ERBB4: variants seen among roughly 807,000 people sequenced by gnomAD.
ERBB4 encodes receptor tyrosine-protein kinase erbB-4.
Under a neutral mutation model 158.0 loss-of-function variants are expected in ERBB4, and 42 were observed. The observed-to-expected ratio is 0.27, with a 90% CI of 0.21 to 0.34. The LOEUF (loss-of-function observed/expected upper bound fraction) is 0.34, where lower values mean the gene tolerates loss of function less well. ERBB4 is among the 10% of genes least tolerant of loss of function. The probability of loss-of-function intolerance (pLI) is 1.00; values close to 1 mark genes in which losing one functional copy is unlikely to be tolerated. For synonymous variants in ERBB4, 583 were observed against 558.7 expected, an observed-to-expected ratio of 1.04 and a Z score of -0.61; for missense variants, 1,333 against 1,624.1, an observed-to-expected ratio of 0.82 and a Z score of 3.08.
chr2:212,412,282 G>C (rs1005541116), intron 1 of ERBB4, among the ~76,000 whole-genome samples: 1 of 152,178 alleles, frequency 6.6e-6, no homozygotes, highest in Non-Finnish European at 1.5e-5. Context: ...CAAATCTCAT[G>C]TTGAAAGGTA....
chr2:211,522,676 C>T (rs1423593696), intron 20 of ERBB4, among the ~76,000 whole-genome samples: 7 of 152,108 alleles, frequency 4.6e-5, no homozygotes, highest in Non-Finnish European at 7.4e-5. Context: ...TAAATAATGG[C>T]AAACTTCACT....
chr2:211,949,381 C>T (rs1421628515), intron 2 of ERBB4, among the ~76,000 whole-genome samples: 1 of 152,180 alleles, frequency 6.6e-6, no homozygotes, highest in African/African-American at 2.4e-5. Context: ...GCAATAACCA[C>T]TAGTCATATG....
intron 2 of ERBB4, among the ~76,000 whole-genome samples, chr2:212,046,734 T>C (rs1324491958): frequency 6.6e-6 from 1 of 152,158 alleles, no homozygotes; most frequent in Non-Finnish European, 1.5e-5. Context: ...ATCTATCAGA[T>C]GTAATGGAAA....
intron 1 of ERBB4, among the ~76,000 whole-genome samples, chr2:212,281,354 T>G (rs1176118777): frequency 6.6e-6 from 1 of 151,618 alleles, no homozygotes; most frequent in African/African-American, 2.4e-5. Context: ...GTGCAATAGG[T>G]AAAAAGTTTT....
chr2:212,242,466 T>C (rs73988571), intron 1 of ERBB4, among the ~76,000 whole-genome samples: 3,385 of 152,218 alleles, frequency 0.022, 117 homozygotes, highest in African/African-American at 0.077. Flanking sequence ...CAATCTCTCA[T>C]CTCAAGAAAA....
At chr2:211,899,590 T>G (rs1185201964) in intron 3 of ERBB4, among the ~76,000 whole-genome samples, 2 of 152,154 alleles carry the variant, frequency 1.3e-5, no homozygotes, top group African/African-American at 4.8e-5. Flanking sequence ...TACTGTTTTA[T>G]AGTACTTACA....
intron 3 of ERBB4, among the ~76,000 whole-genome samples, chr2:211,921,164 A>G (rs1340773569): frequency 6.6e-6 from 1 of 152,058 alleles, no homozygotes; most frequent in Non-Finnish European, 1.5e-5. Flanking sequence ...CAAATTACTA[A>G]GATTGGTTCC....
At chr2:212,282,688 C>A (rs1271560004) in intron 1 of ERBB4, among the ~76,000 whole-genome samples, 1 of 151,850 alleles carries the variant, frequency 6.6e-6, no homozygotes, top group Non-Finnish European at 1.5e-5. Context: ...AATCTTCTGG[C>A]TTTGCCCCAA....
At chr2:212,503,323 GTTAAAAC>G (rs564354941) in intron 1 of ERBB4, among the ~76,000 whole-genome samples, 238 of 152,152 alleles carry the variant, frequency 1.6e-3, no homozygotes, top group African/African-American at 5.3e-3. Flanking sequence ...AAATCTCTCA[GTTAAAAC>G]TTAAAATATA....
At chr2:211,704,427 A>G (rs1452295346) in intron 10 of ERBB4, among the ~76,000 whole-genome samples, 1 of 152,212 alleles carries the variant, frequency 6.6e-6, no homozygotes, top group East Asian at 1.9e-4. Flanking sequence ...ATTTATTCTT[A>G]TAAATGCAAA....
At chr2:212,071,268 T>A (rs1404186208) in intron 2 of ERBB4, among the ~76,000 whole-genome samples, 1 of 151,524 alleles carries the variant, frequency 6.6e-6, no homozygotes, top group African/African-American at 2.4e-5. Flanking sequence ...AAGTTAAAGC[T>A]GACTGTTTTA....
chr2:212,288,231 C>T (rs1436131793), intron 1 of ERBB4, among the ~76,000 whole-genome samples: 1 of 152,090 alleles, frequency 6.6e-6, no homozygotes, highest in Non-Finnish European at 1.5e-5. Flanking sequence ...AATCCCTTTG[C>T]TTGTGCTAGT....
intron 1 of ERBB4, among the ~76,000 whole-genome samples, chr2:212,218,458 T>C (rs534383199): frequency 1.7e-4 from 26 of 151,362 alleles, no homozygotes; most frequent in Middle Eastern, 6.8e-3. Flanking sequence ...TGCTTACTAT[T>C]AAGGAAGCCT....
intron 7 of ERBB4, 90 bp from the exon 8 acceptor site, chr2:211,713,738 GA>G: frequency 1.3e-6 from 1 of 765,108 alleles, no homozygotes; most frequent in Non-Finnish European, 2.3e-6. Flanking sequence ...GTTTAAAAAT[GA>G]TTAGCATCAT....
intron 12 of ERBB4, among the ~76,000 whole-genome samples, chr2:211,694,003 G>A (rs766394184): frequency 2.0e-4 from 30 of 152,100 alleles, no homozygotes; most frequent in Non-Finnish European, 3.8e-4. Context: ...TCTCATTTGT[G>A]TGTGTCCATC....
intron 19 of ERBB4, among the ~76,000 whole-genome samples, chr2:211,579,607 A>C (rs1181714566): frequency 1.3e-5 from 2 of 152,328 alleles, no homozygotes; most frequent in East Asian, 3.9e-4. Flanking sequence ...ACCACGGAAT[A>C]CTATGCAGCC....
intron 3 of ERBB4, among the ~76,000 whole-genome samples, chr2:211,883,589 C>T (rs111386683): frequency 3.9e-5 from 6 of 152,044 alleles, no homozygotes; most frequent in African/African-American, 1.4e-4. Context: ...ACCAGCCTGG[C>T]CAACACGGTT....
intron 1 of ERBB4, among the ~76,000 whole-genome samples, chr2:212,354,958 G>T (rs146584767): frequency 2.6e-5 from 4 of 151,804 alleles, no homozygotes; most frequent in Admixed American, 6.6e-5. Flanking sequence ...TGTTAAATAA[G>T]GCCCAAGTCC....
chr2:211,709,850 C>T (rs2073624587), intron 9 of ERBB4, among the ~76,000 whole-genome samples: 6 of 152,118 alleles, frequency 3.9e-5, no homozygotes, highest in Admixed American at 3.3e-4. Context: ...TCATTTCCCT[C>T]TTTCTTTTGT....
Sources: gnomAD v4.1 joint callset for allele counts (sites outside exome capture counted in the v4.1 genomes callset) on GRCh38, gnomAD v4.1.1 for gene constraint, MANE v1.5 for transcripts, NCBI Gene and HGNC (gene_info 2026-07-23, HGNC 2026-07-21) for gene names.